Variants in BLM observed in about 807,000 individuals in gnomAD.
The protein encoded by BLM is recQ-like DNA helicase BLM.
A neutral mutation model predicts 135.3 loss-of-function variants in BLM; 95 were observed. That is an observed-to-expected ratio of 0.70 (90% confidence interval 0.59 to 0.83). BLM has a LOEUF of 0.83. Ranked by LOEUF, BLM falls within the 40% of genes least tolerant of loss-of-function variation. The pLI is 0.00. For missense variants in BLM, 1,518 were observed against 1,663.9 expected (o/e 0.91, Z 1.53); for synonymous variants, 520 against 589.2 (o/e 0.88, Z 1.70).
chr15:90,735,195 G>A (rs1370710330), intron 1 of BLM, among the ~76,000 whole-genome samples: 1 of 140,694 alleles, frequency 7.1e-6, no homozygotes, highest in Non-Finnish European at 1.5e-5. Flanking sequence ...GAAATCTTTT[G>A]TTCTAGGACA....
At chr15:90,770,015 C>G (rs28385042) in intron 12 of BLM, among the ~76,000 whole-genome samples, 3,049 of 152,124 alleles carry the variant, frequency 0.02, 57 homozygotes, top group Non-Finnish European at 0.03. Flanking sequence ...TTGTCATTTC[C>G]CCCTAAGGTC....
At chr15:90,779,966 A>G (rs919315351) in intron 12 of BLM, among the ~76,000 whole-genome samples, 1 of 152,156 alleles carries the variant, frequency 6.6e-6, no homozygotes, top group Non-Finnish European at 1.5e-5. Context: ...ACATCCTGGA[A>G]CAGTGCACAG....
chr15:90,803,355 C>T (rs1043466826), intron 17 of BLM, among the ~76,000 whole-genome samples, 166 bp from the exon 18 acceptor site: 2 of 151,884 alleles, frequency 1.3e-5, no homozygotes, highest in African/African-American at 4.8e-5. Flanking sequence ...GAAATTTTAG[C>T]GTTCTACTCA....
In BLM at chr15:90,803,681, C is replaced by T. The variant is rs769119431; in HGVS notation, c.3519C>T (p.Leu1173=). The T allele has an allele frequency of 9.3e-6, 15 of 1,613,812 alleles. No individual in the cohort carries two copies. The highest frequency in any genetic ancestry group is 1.6e-4 in the Middle Eastern group (1 of 6,084). Residue 1173 remains leucine (L), a synonymous_variant, in exon 18 of 22, where the codon CTC becomes CTT. Coordinates refer to ENST00000355112, the MANE Select transcript of BLM (RefSeq NM_000057.4). The part of the protein sequence containing the change: ...ANDQAIAYVM[L]GNKAQTVLNG... ...ACCAGGCGATCGCTTATGTGATGCT[C>T]GGAAATAAAGCCCAAACTGTACTAA...
Position 90,782,592 on chromosome 15 carries a change from G to A in BLM, c.2556-230G>A, listed in dbSNP as rs28385055. Among the ~76,000 whole-genome samples the A allele has an allele frequency of 2.8e-3, 427 of 152,156 alleles. 7 individuals are homozygous for A. The highest frequency in any genetic ancestry group is 0.019 in the Admixed American group (288 of 15,270). ...GTTTGCAAGTGGTAGTATTCTCTTTGCATACTGACATATGCGGGTGGGGAG... is the reference window on the plus strand; with the variant it reads ...GTTTGCAAGTGGTAGTATTCTCTTTACATACTGACATATGCGGGTGGGGAG... On this transcript the variant is annotated intron_variant, in intron 12 of 21. Coordinates refer to ENST00000355112, the MANE Select transcript of BLM (RefSeq NM_000057.4).
chr15:90,808,032 T>G (rs756505333), intron 19 of BLM, among the ~76,000 whole-genome samples: 7 of 152,220 alleles, frequency 4.6e-5, no homozygotes, highest in Non-Finnish European at 8.8e-5. Context: ...AATTTGGTAT[T>G]TTATGATATG....
In BLM at chr15:90,790,839, T is replaced by C. The variant is rs772671554; in HGVS notation, c.3014T>C (p.Ile1005Thr). 12 of 1,613,320 alleles carry C rather than the reference T, an allele frequency of 7.4e-6. No homozygotes were observed. Among genetic ancestry groups the C allele is most frequent in the African/African-American group, 2.7e-5 (2 of 74,940 alleles). Residue 1005 changes from isoleucine to threonine, a missense_variant, in exon 15 of 22, where the codon ATA (isoleucine) becomes ACA (threonine). Around this residue, in one of 5 missense-constraint regions of BLM, gnomAD observed 626 missense variants for 681.1 expected, o/e 0.92. Coordinates refer to ENST00000355112, the MANE Select transcript of BLM (RefSeq NM_000057.4). ...YHDVTRLKRL[I>T]MMEKDGNHHT... ...GATGTGACCAGACTGAAAAGACTTA[T>C]AATGAGTAAGCTGGGCTCCATTGTA...
intron 1 of BLM, among the ~76,000 whole-genome samples, chr15:90,739,409 TTAA>T (rs993871823): frequency 6.6e-6 from 1 of 151,614 alleles, no homozygotes; most frequent in African/African-American, 2.4e-5. Context: ...TCAAAAAATA[TTAA>T]TAATAATAAA....
At chr15:90,803,838 A>C in intron 18 of BLM, 118 bp downstream of exon 18, 1 of 1,039,766 alleles carries the variant, frequency 9.6e-7, no homozygotes, top group Non-Finnish European at 1.4e-6. Context: ...ATACTGTTCT[A>C]TACGAACATA....
chr15:90,768,004 C>T (rs1000726380), intron 10 of BLM, among the ~76,000 whole-genome samples: 7 of 148,300 alleles, frequency 4.7e-5, no homozygotes, highest in Non-Finnish European at 8.9e-5. Flanking sequence ...TGGGAGTGCT[C>T]GGCTCACTGC....
chr15:90,777,636 A>C (rs1407059823), intron 12 of BLM, among the ~76,000 whole-genome samples: 1 of 152,236 alleles, frequency 6.6e-6, no homozygotes, highest in Non-Finnish European at 1.5e-5. Flanking sequence ...GCAGAACCTT[A>C]GACAAGAAAC....
At chr15:90,787,898 C>T (rs779767735) in intron 14 of BLM, among the ~76,000 whole-genome samples, 1 of 151,392 alleles carries the variant, frequency 6.6e-6, no homozygotes, top group Non-Finnish European at 1.5e-5. Flanking sequence ...TGCAGTGAGC[C>T]GAGATCGTGC....
chr15:90,787,447 G>A (rs897184710), intron 14 of BLM, among the ~76,000 whole-genome samples: 13 of 152,076 alleles, frequency 8.5e-5, no homozygotes, highest in Admixed American at 3.9e-4. Flanking sequence ...ATAATTACTT[G>A]GAGCCAATGA....
intron 1 of BLM, among the ~76,000 whole-genome samples, chr15:90,745,556 C>G (rs779319245): frequency 6.6e-6 from 1 of 151,948 alleles, no homozygotes; most frequent in East Asian, 1.9e-4. Flanking sequence ...ACCACAGGCC[C>G]GCACCACCAT....
chr15:90,782,949 A>T (rs1232023304), intron 13 of BLM, 21 bp downstream of exon 13: 9 of 1,546,354 alleles, frequency 5.8e-6, no homozygotes. Context: ...CCATGTGATT[A>T]GCTGTCTAGA....
At chr15:90,753,064 A>C (rs771546047) in intron 4 of BLM, among the ~76,000 whole-genome samples, 3 of 152,164 alleles carry the variant, frequency 2.0e-5, no homozygotes, top group Non-Finnish European at 4.4e-5. Context: ...AAGGATTCTA[A>C]ATAAGAAGGA....
At chr15:90,768,675 T>A (rs1896205542) in intron 10 of BLM, among the ~76,000 whole-genome samples, 1 of 152,232 alleles carries the variant, frequency 6.6e-6, no homozygotes, top group Non-Finnish European at 1.5e-5. Context: ...ACTTCTGCTG[T>A]TCTCTTCATA....
intron 3 of BLM, among the ~76,000 whole-genome samples, chr15:90,750,854 G>A (rs746321751): frequency 2.0e-5 from 3 of 152,194 alleles, no homozygotes; most frequent in Middle Eastern, 3.4e-3. Context: ...GTACTTATCG[G>A]GTTTGATACT....
intron 14 of BLM, among the ~76,000 whole-genome samples, chr15:90,785,998 C>CTTTTTTTTTTTCTTTCT: frequency 9.0e-6 from 1 of 110,726 alleles, no homozygotes; most frequent in South Asian, 3.2e-4. Context: ...TCGTTTCTTT[C>CTTTTTTTTTTTCTTTCT]TTTTTTTTTT....
Sources: allele counts gnomAD v4.1 joint callset (sites outside exome capture counted in the v4.1 genomes callset), GRCh38; gene constraint gnomAD v4.1.1; regional missense constraint gnomAD v4.1.1; transcripts MANE v1.5; gene names NCBI Gene and HGNC (gene_info 2026-07-23, HGNC 2026-07-21).